The following TDRD6 variants were observed in gnomAD, a reference collection of about 807,000 sequenced individuals.
TDRD6 encodes the protein tudor domain-containing protein 6.
TDRD6 carries 186 observed loss-of-function variants against 157.5 expected under a neutral mutation model. The ratio of observed to expected loss-of-function variants is 1.18; its 90% confidence interval spans 1.05 to 1.33. The LOEUF (loss-of-function observed/expected upper bound fraction) is 1.33, where lower values mean the gene tolerates loss of function less well. Among genes scored for constraint, TDRD6 ranks in the 40% most tolerant of loss-of-function variants. TDRD6 has a pLI of 0.00. For synonymous variants in TDRD6, 1,075 were observed against 945.2 expected, an observed-to-expected ratio of 1.14 and a Z score of -2.52; for missense variants, 3,066 against 2,508.0, an observed-to-expected ratio of 1.22 and a Z score of -4.75.
Position 46,691,657 on chromosome 6 carries a change from A to G in TDRD6, c.3529A>G (p.Thr1177Ala), listed in dbSNP as rs554988859. Residue 1177 changes from threonine (T) to alanine (A), a missense_variant, in exon 1 of 4, where the codon ACT becomes GCT. Thr to Ala is a moderately conservative substitution (Grantham distance 58). Coordinates refer to ENST00000316081, the MANE Select transcript of TDRD6 (RefSeq NM_001010870.3). The part of the protein sequence containing the change: ...KKESEVLCST[T>A]ETLEEKNENM... ...AGAAAGTGAAGTCCTCTGTTCTACA[A>G]CTGAAACTCTTGAAGAAAAAAATGA... 31 of 1,612,888 alleles carry G rather than the reference A, an allele frequency of 1.9e-5. No individual in the cohort carries two copies. The highest frequency in any genetic ancestry group is 4.5e-5 in the East Asian group (2 of 44,818).
chr6:46,698,993 A>T (rs2150684833), intron 3 of TDRD6, among the ~76,000 whole-genome samples: 1 of 152,144 alleles, frequency 6.6e-6, no homozygotes, highest in South Asian at 2.1e-4. Flanking sequence ...GTAGTCAGGG[A>T]CTTTGGTCAG....
rs139821992 is a variant in TDRD6, at chr6:46,693,379, G to A, written c.5251G>A (p.Ala1751Thr). Residue 1751 changes from alanine to threonine, a missense_variant, in exon 1 of 4, where the codon GCT (alanine) becomes ACT (threonine). Coordinates refer to ENST00000316081, the MANE Select transcript of TDRD6 (RefSeq NM_001010870.3). ...TATGGAACAACAGACAGATGAGCTT[G>A]CTGAAATAACTGAAAAAGATGTAAA... ...IYMEQQTDEL[A>T]EITEKDVNII... 1.2e-6 allele frequency: 2 copies of A among 1,612,426 alleles called. No homozygotes were observed. Among genetic ancestry groups the A allele is most frequent in the Non-Finnish European group, 1.7e-6 (2 of 1,179,620 alleles).
chr6:46,696,032 G>T, intron 2 of TDRD6, 87 bp downstream of exon 2: 1 of 1,422,406 alleles, frequency 7.0e-7, no homozygotes, highest in African/African-American at 1.4e-5. Flanking sequence ...TAGAGAACGC[G>T]ATTGAACAAA....
chr6:46,696,059 C>G, intron 2 of TDRD6, 114 bp downstream of exon 2: 1 of 1,181,682 alleles, frequency 8.5e-7, no homozygotes. Flanking sequence ...CTTGCTTGTT[C>G]CCCCTGATAA....
In TDRD6 at chr6:46,688,063, A is replaced by G; in HGVS notation, c.-66A>G. 1 of 1,408,352 alleles carries G rather than the reference A, an allele frequency of 7.1e-7. No homozygotes were observed. The highest frequency in any genetic ancestry group is 9.2e-7 in the Non-Finnish European group (1 of 1,089,304). The allele number at this position is 1,408,352 out of a possible 1,614,324, so 87.2% of individuals were successfully genotyped here. A position where few individuals can be genotyped will look rare whatever the true frequency, so the allele number is the denominator to read the frequency against. ...TGGGACTCGCCTTCAGGCGGCGCGG[A>G]GGATTTCGAGGCCCTGAGGCGCGGC... On this transcript the variant is annotated 5_prime_UTR_variant, in exon 1 of 4. Coordinates refer to ENST00000316081, the MANE Select transcript of TDRD6 (RefSeq NM_001010870.3).
chr6:46,688,598 T>G lies in TDRD6; in HGVS notation c.470T>G (p.Phe157Cys), dbSNP rs1764190008. The change falls in exon 1 of 4, where the codon TTC becomes TGC. Residue 157 changes from phenylalanine to cysteine, a missense_variant. Phe to Cys is a radical substitution (Grantham distance 205). Transcript: ENST00000316081. ...PQHWPADAVDFLSNLQGKEVH... is the reference protein window; with the variant it reads ...PQHWPADAVDCLSNLQGKEVH... ...CACTGGCCCGCCGACGCCGTGGACT[T>G]CCTTAGCAACCTTCAGGGCAAGGAG... 2.5e-6 allele frequency: 4 copies of G among 1,598,872 alleles called. No individual in the cohort carries two copies. The highest frequency in any genetic ancestry group is 3.3e-5 in the Admixed American group (2 of 59,990).
chr6:46,683,154 T>C (rs1313849797), upstream of TDRD6, among the ~76,000 whole-genome samples: 1 of 151,976 alleles, frequency 6.6e-6, no homozygotes, highest in African/African-American at 2.4e-5. Context: ...GGTCAAAGAA[T>C]AAACTCACAT....
intron 3 of TDRD6, among the ~76,000 whole-genome samples, chr6:46,699,110 C>T (rs979977440): frequency 6.6e-6 from 1 of 152,168 alleles, no homozygotes; most frequent in Non-Finnish European, 1.5e-5. Context: ...TCACATGTAG[C>T]ATTAGGAGTT....
intron 3 of TDRD6, 94 bp from the exon 4 acceptor site, chr6:46,701,764 G>A (rs960900684): frequency 4.0e-6 from 5 of 1,244,578 alleles, no homozygotes; most frequent in Non-Finnish European, 5.8e-6. Flanking sequence ...CCCTTTTAGA[G>A]AACATTACAT....
chr6:46,697,193 T>A (rs1388815641), intron 2 of TDRD6, among the ~76,000 whole-genome samples: 1 of 152,156 alleles, frequency 6.6e-6, no homozygotes. Context: ...GCTCTTTCGA[T>A]ATATTTAATA....
At position 46,692,718 on chromosome 6, in the gene TDRD6, A is replaced by G. The variant is rs1764372704; in HGVS notation, c.4590A>G (p.Gly1530=). The G allele has an allele frequency of 6.2e-7, 1 of 1,614,184 alleles. No homozygotes were observed. The highest frequency in any genetic ancestry group is 1.1e-5 in the South Asian group (1 of 91,082). ...GAGCTTATGCCACTGTGATAGATGG[A>G]CCTGAGTACTTTTGGTGTCAGTTTG... ...MIRAYATVID[G]PEYFWCQFAD... is the part of the protein sequence containing the mutation. Residue 1530 remains glycine, a synonymous_variant, in exon 1 of 4, where the codon GGA becomes GGG. Transcript: ENST00000316081.
Position 46,691,636 on chromosome 6 carries a change from A to C in TDRD6, c.3508A>C (p.Ser1170Arg). Residue 1170 changes from serine to arginine, a missense_variant, in exon 1 of 4, where the codon AGT becomes CGT. Ser to Arg is a moderately radical substitution (Grantham distance 110). Coordinates refer to ENST00000316081, the MANE Select transcript of TDRD6 (RefSeq NM_001010870.3). ...CAAAGATAGAATAAGAAAAAAAGAA[A>C]GTGAAGTCCTCTGTTCTACAACTGA... is the stretch of plus-strand genomic sequence containing the variant. ...SYKDRIRKKE[S>R]EVLCSTTETL... is the part of the protein sequence containing the mutation. 2.5e-6 allele frequency: 4 copies of C among 1,613,364 alleles called. No individual in the cohort carries two copies. The highest frequency in any genetic ancestry group is 3.4e-6 in the Non-Finnish European group (4 of 1,179,652).
Position 46,690,585 on chromosome 6 carries a change from C to T in TDRD6, c.2457C>T (p.Asn819=), listed in dbSNP as rs762533767. The part of the protein sequence containing the change: ...CKNTAAPHQR[N]TLACLAKRTV... Reference sequence around the variant, plus strand: ...ATACAGCTGCTCCTCACCAGAGAAACACCCTTGCTTGTTTGGCTAAGCGAA... The same window carrying T: ...ATACAGCTGCTCCTCACCAGAGAAATACCCTTGCTTGTTTGGCTAAGCGAA... Residue 819 remains asparagine, a synonymous_variant, in exon 1 of 4, where the codon AAC becomes AAT. Coordinates refer to ENST00000316081, the MANE Select transcript of TDRD6 (RefSeq NM_001010870.3). The T allele has an allele frequency of 9.3e-6, 15 of 1,614,208 alleles. No individual in the cohort carries two copies. Among genetic ancestry groups the T allele is most frequent in the Middle Eastern group, 3.3e-4 (2 of 6,062 alleles).
Position 46,689,208 on chromosome 6 carries a change from G to T in TDRD6, c.1080G>T (p.Arg360=). The change falls in exon 1 of 4, where the codon CGG becomes CGT. Residue 360 remains arginine, a synonymous_variant. Coordinates refer to ENST00000316081, the MANE Select transcript of TDRD6 (RefSeq NM_001010870.3). Reference sequence around the variant, plus strand: ...AGTTAGTGAGTTGCAGCAGCCTTCGGTACTTGCTGCCTGAATATTTTCGAA... The same window carrying T: ...AGTTAGTGAGTTGCAGCAGCCTTCGTTACTTGCTGCCTGAATATTTTCGAA... ...RKELVSCSSL[R]YLLPEYFRMP... 1 of 1,614,200 alleles carries T rather than the reference G, an allele frequency of 6.2e-7. No homozygotes were observed. Among genetic ancestry groups the T allele is most frequent in the Non-Finnish European group, 8.5e-7 (1 of 1,180,032 alleles).
rs1476129052 is a variant in TDRD6, at chr6:46,692,719, C to G, written c.4591C>G (p.Pro1531Ala). ...AGCTTATGCCACTGTGATAGATGGA[C>G]CTGAGTACTTTTGGTGTCAGTTTGC... ...IRAYATVIDG[P>A]EYFWCQFADT... The change falls in exon 1 of 4, where the codon CCT becomes GCT. Residue 1531 changes from proline (P) to alanine (A), a missense_variant. By Grantham distance (27) the Pro-to-Ala change is conservative. Coordinates refer to ENST00000316081, the MANE Select transcript of TDRD6 (RefSeq NM_001010870.3). 1.9e-6 allele frequency: 3 copies of G among 1,613,998 alleles called. No individual in the cohort carries two copies. The highest frequency in any genetic ancestry group is 1.3e-5 in the African/African-American group (1 of 74,886).
chr6:46,685,537 T>C (rs979473191), upstream of TDRD6, among the ~76,000 whole-genome samples: 12 of 152,094 alleles, frequency 7.9e-5, no homozygotes, highest in African/African-American at 2.9e-4. Flanking sequence ...GGCCTTAACC[T>C]TTCCCCCTTT....
In TDRD6 at chr6:46,703,780, T is replaced by C. The variant is rs919189839; in HGVS notation, c.*1893T>C. The C allele has an allele frequency of 3.3e-5, 5 of 152,264 alleles. No individual in the cohort carries two copies. The highest frequency in any genetic ancestry group is 3.4e-3 in the Middle Eastern group (1 of 294). The allele number at this position is 152,264 out of a possible 1,614,324, so 9.4% of individuals were successfully genotyped here. On this transcript the variant is annotated 3_prime_UTR_variant, in exon 4 of 4. Transcript: ENST00000316081. ...AAGCTAAATGTAATTCTGAATGTTT[T>C]ATTATCCTTCACAGCCTTTGTGTGA...
chr6:46,695,380 G>A (rs1016289805), intron 1 of TDRD6, among the ~76,000 whole-genome samples: 3 of 152,046 alleles, frequency 2.0e-5, no homozygotes, highest in African/African-American at 7.2e-5. Flanking sequence ...TAACACATAA[G>A]TTATTTAAGT....
chr6:46,698,522 G>A (rs1311233600), intron 3 of TDRD6, among the ~76,000 whole-genome samples: 2 of 152,150 alleles, frequency 1.3e-5, no homozygotes, highest in Non-Finnish European at 2.9e-5. Context: ...TTCATCCTAT[G>A]TATAGTTTTA....
Sources: gnomAD v4.1 joint callset for allele counts (sites outside exome capture counted in the v4.1 genomes callset) on GRCh38, gnomAD v4.1.1 for gene constraint, MANE v1.5 for transcripts, NCBI Gene and HGNC (gene_info 2026-07-23, HGNC 2026-07-21) for gene names.